ZYG11B: variants seen among roughly 807,000 people sequenced by gnomAD.
The protein encoded by ZYG11B is zyg-11 family member B, cell cycle regulator, also known as protein zyg-11 homolog B.
In ZYG11B, 36 loss-of-function variants were observed where a neutral mutation model predicts 82.4. That is an observed-to-expected ratio of 0.44 (90% CI 0.33 to 0.58). The LOEUF (loss-of-function observed/expected upper bound fraction) is 0.58, where lower values mean the gene tolerates loss of function less well. Ranked by LOEUF, ZYG11B falls within the 20% of genes least tolerant of loss-of-function variation. The pLI is 0.02. For synonymous variants in ZYG11B, 303 were observed against 312.8 expected, an observed-to-expected ratio of 0.97 and a Z score of 0.33; for missense variants, 552 against 895.6, an observed-to-expected ratio of 0.62 and a Z score of 4.90.
Position 52,779,966 on chromosome 1 carries a change from G to A in ZYG11B, c.1065G>A (p.Met355Ile). ...LFHLFSLTHV[M>I]EKTKPEILKL... ...ATCTTTTTAGTCTGACTCATGTGAT[G>A]GAAAAAACAAAGCCAGAAATTTTAA... is the stretch of plus-strand genomic sequence containing the variant. The change falls in exon 4 of 14, where the codon ATG becomes ATA. Residue 355 changes from methionine (M) to isoleucine (I), a missense_variant. Transcript: ENST00000294353. 3.1e-6 allele frequency: 5 copies of A among 1,611,484 alleles called. No individual in the cohort carries two copies. The highest frequency in any genetic ancestry group is 4.2e-6 in the Non-Finnish European group (5 of 1,179,324).
At position 52,825,114 on chromosome 1, in the gene ZYG11B, T is replaced by G. The variant is rs999023831; in HGVS notation, c.*3485T>G. 6.6e-6 allele frequency: 1 copy of G among 152,196 alleles called. No individual in the cohort carries two copies. The highest frequency in any genetic ancestry group is 1.5e-5 in the Non-Finnish European group (1 of 68,028). 9.4% of individuals were successfully genotyped at this position (152,196 alleles called of 1,614,324 possible). A position where few individuals can be genotyped will look rare whatever the true frequency, so the allele number is the denominator to read the frequency against. On this transcript the variant is annotated 3_prime_UTR_variant, in exon 14 of 14. Transcript: ENST00000294353. ...AAAATTTTTAAAAAATAGATTATAATGATACATATTGGTATCATTAAGACA... is the reference window on the plus strand; with the variant it reads ...AAAATTTTTAAAAAATAGATTATAAGGATACATATTGGTATCATTAAGACA...
At chr1:52,756,751 A>G (rs1053876450) in intron 2 of ZYG11B, 128 bp downstream of exon 2, 1 of 764,754 alleles carries the variant, frequency 1.3e-6, no homozygotes, top group Non-Finnish European at 2.0e-6. Context: ...TGATTCCAGG[A>G]CTATGAATTC....
Position 52,825,434 on chromosome 1 carries a change from T to C in ZYG11B, c.*3805T>C, listed in dbSNP as rs191537378. The C allele has an allele frequency of 6.6e-6, 1 of 152,248 alleles. No homozygotes were observed. The highest frequency in any genetic ancestry group is 6.5e-5 in the Admixed American group (1 of 15,274). 9.4% of individuals were successfully genotyped at this position (152,248 alleles called of 1,614,324 possible). ...GTCACCCTGGGACAGTAATGCCTTA[T>C]AGTGGCACTAGTCACCTTAAGTAGA... On this transcript the variant is annotated 3_prime_UTR_variant, in exon 14 of 14. Coordinates refer to ENST00000294353, the MANE Select transcript of ZYG11B (RefSeq NM_024646.3).
chr1:52,785,876 C>T (rs1644908353), intron 5 of ZYG11B, among the ~76,000 whole-genome samples: 2 of 152,236 alleles, frequency 1.3e-5, no homozygotes, highest in Admixed American at 1.3e-4. Context: ...GCCAGCTTCC[C>T]TCATTGAGGG....
At chr1:52,760,240 T>G (rs546683715) in intron 2 of ZYG11B, among the ~76,000 whole-genome samples, 4 of 152,252 alleles carry the variant, frequency 2.6e-5, no homozygotes, top group Non-Finnish European at 5.9e-5. Context: ...GTCAGGAGTT[T>G]GAGATCAGCC....
chr1:52,820,082 T>C (rs12733158), intron 13 of ZYG11B, among the ~76,000 whole-genome samples: 8 of 150,426 alleles, frequency 5.3e-5, no homozygotes, highest in Non-Finnish European at 8.9e-5. Flanking sequence ...CCTGGCTAAT[T>C]TTTTTGTATT....
intron 2 of ZYG11B, among the ~76,000 whole-genome samples, chr1:52,761,444 T>G (rs1366758619): frequency 6.6e-6 from 1 of 152,260 alleles, no homozygotes; most frequent in Non-Finnish European, 1.5e-5. Flanking sequence ...TGTGTTTAAC[T>G]TTCTGCTCCT....
chr1:52,814,970 C>T lies in ZYG11B; in HGVS notation c.1946+1058C>T, dbSNP rs192913340. Among the ~76,000 whole-genome samples the T allele has an allele frequency of 6.0e-4, 91 of 152,126 alleles. 2 individuals are homozygous for T. Among genetic ancestry groups the T allele is most frequent in the Admixed American group, 5.9e-3 (90 of 15,268 alleles). ...TCCAGGAGTTCGAGACCAGCTTGGC[C>T]AACATGTTGAAACCCCTGTCTCTAC... On this transcript the variant is annotated intron_variant, in intron 12 of 13. Coordinates refer to ENST00000294353, the MANE Select transcript of ZYG11B (RefSeq NM_024646.3).
At chr1:52,795,500 T>C (rs1387644547) in intron 6 of ZYG11B, among the ~76,000 whole-genome samples, 1 of 152,152 alleles carries the variant, frequency 6.6e-6, no homozygotes, top group Non-Finnish European at 1.5e-5. Flanking sequence ...TCAGAACTCT[T>C]CCCTTGTTCT....
In ZYG11B at chr1:52,796,784, G is replaced by A. The variant is rs11206020; in HGVS notation, c.1485G>A (p.Arg495=). 10,267 of 1,552,196 alleles carry A rather than the reference G, an allele frequency of 6.6e-3. 567 individuals are homozygous for A. In the African/African-American group the frequency reaches 0.13, roughly 19 times the overall value. The change falls in exon 8 of 14, where the codon AGG becomes AGA. Residue 495 remains arginine, a splice_region_variant and synonymous_variant. Coordinates refer to ENST00000294353, the MANE Select transcript of ZYG11B (RefSeq NM_024646.3). ...TTGGTACTGAGCTCTTCATTGTCAG[G>A]GTAAGTCTATAATCTCCTCCATTCA... ...AQLGTELFIV[R]QLLQIVKQKT... is the part of the protein sequence containing the mutation.
chr1:52,826,406 A>C lies in ZYG11B; in HGVS notation c.*4777A>C, dbSNP rs1645324972. The C allele has an allele frequency of 6.6e-6, 1 of 152,242 alleles. No homozygotes were observed. The highest frequency in any genetic ancestry group is 2.1e-4 in the South Asian group (1 of 4,832). 9.4% of individuals were successfully genotyped at this position (152,242 alleles called of 1,614,324 possible). ...ACTCACGAACTGTTTTATTTTAGGA[A>C]TAATGCAAAACCAACCTTCGTCCGG... On this transcript the variant is annotated 3_prime_UTR_variant, in exon 14 of 14. Coordinates refer to ENST00000294353, the MANE Select transcript of ZYG11B (RefSeq NM_024646.3).
intron 1 of ZYG11B, among the ~76,000 whole-genome samples, chr1:52,727,270 G>A (rs1267456536): frequency 2.0e-5 from 3 of 152,010 alleles, no homozygotes; most frequent in Non-Finnish European, 4.4e-5. Flanking sequence ...ACAATTTGAG[G>A]ACTGTTGCTT....
At chr1:52,731,127 G>A (rs186513376) in intron 1 of ZYG11B, among the ~76,000 whole-genome samples, 2 of 152,098 alleles carry the variant, frequency 1.3e-5, no homozygotes, top group Non-Finnish European at 2.9e-5. Context: ...GCAAAAATAA[G>A]CTGTGCATGG....
chr1:52,811,708 G>GT (rs201340796), intron 10 of ZYG11B, among the ~76,000 whole-genome samples: 14 of 151,700 alleles, frequency 9.2e-5, no homozygotes, highest in East Asian at 5.8e-4. Context: ...CAGATACTTA[G>GT]TTTTGTTTTT....
At chr1:52,769,673 T>C (rs953439237) in intron 2 of ZYG11B, among the ~76,000 whole-genome samples, 2 of 152,216 alleles carry the variant, frequency 1.3e-5, no homozygotes, top group African/African-American at 4.8e-5. Context: ...TAATTAAGTC[T>C]GCAAAACTCA....
intron 1 of ZYG11B, among the ~76,000 whole-genome samples, chr1:52,750,273 A>ATTTT (rs35418497): frequency 7.6e-6 from 1 of 132,272 alleles, no homozygotes; most frequent in Non-Finnish European, 1.6e-5. Flanking sequence ...CCCAGCAACT[A>ATTTT]TTTTTTTTTT....
At chr1:52,758,704 G>T (rs1220353388) in intron 2 of ZYG11B, among the ~76,000 whole-genome samples, 1 of 152,070 alleles carries the variant, frequency 6.6e-6, no homozygotes, top group Non-Finnish European at 1.5e-5. Flanking sequence ...GAGGCATTTT[G>T]GAATAATTTA....
chr1:52,788,253 A>G (rs1571779492), intron 5 of ZYG11B, among the ~76,000 whole-genome samples: 1 of 152,202 alleles, frequency 6.6e-6, no homozygotes, highest in African/African-American at 2.4e-5. Context: ...AAATACTTGC[A>G]TAGTTCAGAC....
At chr1:52,739,555 T>G (rs533816517) in intron 1 of ZYG11B, among the ~76,000 whole-genome samples, 1 of 152,290 alleles carries the variant, frequency 6.6e-6, no homozygotes, top group Non-Finnish European at 1.5e-5. Flanking sequence ...TTACCCACCT[T>G]TTTCACACCA....
Sources: gnomAD v4.1 joint callset for allele counts (sites outside exome capture counted in the v4.1 genomes callset) on GRCh38, gnomAD v4.1.1 for gene constraint, MANE v1.5 for transcripts, NCBI Gene and HGNC (gene_info 2026-07-23, HGNC 2026-07-21) for gene names.